The following CABP7 variants were observed in gnomAD, a reference collection of about 807,000 sequenced individuals.
CABP7 encodes calcium binding protein 7, also known as calcium-binding protein 7.
In CABP7, 13 loss-of-function variants were observed where a neutral mutation model predicts 23.1. The observed-to-expected ratio is 0.56, with a 90% CI of 0.37 to 0.90. CABP7 has a LOEUF of 0.90. Ranked by LOEUF, CABP7 falls within the 40% of genes least tolerant of loss-of-function variation. The probability of loss-of-function intolerance (pLI) is 0.01; values close to 1 mark genes in which losing one functional copy is unlikely to be tolerated. For missense variants in CABP7, 248 were observed against 295.6 expected (o/e 0.84, Z 1.18); for synonymous variants, 123 against 115.3 (o/e 1.07, Z -0.43).
At chr22:29,723,173 G>A (rs1007923599) in intron 1 of CABP7, among the ~76,000 whole-genome samples, 9 of 152,194 alleles carry the variant, frequency 5.9e-5, no homozygotes, top group South Asian at 2.1e-4. Context: ...GCCCAGGCCC[G>A]TGAGGGTGTG....
At position 29,731,223 on chromosome 22, in the gene CABP7, G is replaced by T. The variant is rs747806140; in HGVS notation, c.*1654G>T. 2 of 1,497,108 alleles carry T rather than the reference G, an allele frequency of 1.3e-6. No homozygotes were observed. Among genetic ancestry groups the T allele is most frequent in the Non-Finnish European group, 1.8e-6 (2 of 1,134,836 alleles). The allele number at this position is 1,497,108 out of a possible 1,614,324, so 92.7% of individuals were successfully genotyped here. A position where few individuals can be genotyped will look rare whatever the true frequency, so the allele number is the denominator to read the frequency against. On this transcript the variant is annotated 3_prime_UTR_variant, in exon 5 of 5. Transcript: ENST00000216144. ...CGTGGGGGTCAGTCGGGGGCAAGGG[G>T]CTCAGCCCCACTGGACTCTGGGCTG...
chr22:29,724,132 C>A (rs5752955), intron 1 of CABP7, among the ~76,000 whole-genome samples: 1 of 152,170 alleles, frequency 6.6e-6, no homozygotes, highest in Non-Finnish European at 1.5e-5. Context: ...GATGGCACAA[C>A]GGTGGCAGGA....
At chr22:29,724,916 CAG>C (rs1471024050) in intron 1 of CABP7, among the ~76,000 whole-genome samples, 1 of 152,170 alleles carries the variant, frequency 6.6e-6, no homozygotes, top group Non-Finnish European at 1.5e-5. Context: ...CAAAGGGACT[CAG>C]GGGCTCCAGC....
At position 29,731,123 on chromosome 22, in the gene CABP7, T is replaced by C. The variant is rs1262356760; in HGVS notation, c.*1554T>C. On this transcript the variant is annotated 3_prime_UTR_variant, in exon 5 of 5. Transcript: ENST00000216144. The stretch of plus-strand genomic sequence containing the variant: ...CTGAGCCTCAGTGAGGCTGGGCAGA[T>C]GGTCTCGGAGCCTCCATGGGGCGTA... 2 of 1,280,952 alleles carry C rather than the reference T, an allele frequency of 1.6e-6. No homozygotes were observed. The highest frequency in any genetic ancestry group is 1.6e-5 in the African/African-American group (1 of 64,284). 79.3% of individuals were successfully genotyped at this position (1,280,952 alleles called of 1,614,324 possible).
Position 29,724,156 on chromosome 22 carries a change from G to A in CABP7, c.110-3506G>A, listed in dbSNP as rs534936845. On this transcript the variant is annotated intron_variant, in intron 1 of 4. Transcript: ENST00000216144. ...ACGGTGGCAGGAAATCACGACACCT[G>A]CCCCACTCAGGGAGCCCCCGGCAGA... 2.6e-5 allele frequency among the ~76,000 whole-genome samples: 4 copies of A among 152,332 alleles called. No homozygotes were observed. In the South Asian group the frequency reaches 8.3e-4, roughly 32 times the overall value.
At position 29,729,433 on chromosome 22, in the gene CABP7, C is replaced by A; in HGVS notation, c.521-9C>A. ...CTGTCTCCCCGGTGCTCCCGGCGGG[C>A]GGCCACAGCCTGCTCCAACCAGCAG... is the stretch of plus-strand genomic sequence containing the variant. On this transcript the variant is annotated splice_polypyrimidine_tract_variant and intron_variant, in intron 4 of 4. Transcript: ENST00000216144. 1 of 1,608,036 alleles carries A rather than the reference C, an allele frequency of 6.2e-7. No homozygotes were observed. The highest frequency in any genetic ancestry group is 8.5e-7 in the Non-Finnish European group (1 of 1,179,488).
rs762182207 is a variant in CABP7, at chr22:29,728,721, CTT to C, written c.347_348del (p.Phe116Ter). 1 of 1,612,992 alleles carries C rather than the reference CTT, an allele frequency of 6.2e-7. No individual in the cohort carries two copies. Among genetic ancestry groups the C allele is most frequent in the Non-Finnish European group, 8.5e-7 (1 of 1,179,260 alleles). On this transcript the variant is annotated frameshift_variant, in exon 3 of 5. Coordinates refer to ENST00000216144, the MANE Select transcript of CABP7 (RefSeq NM_182527.3). LOFTEE classifies it high-confidence loss of function. ...GIPEKFHGTDFDTVFWKCDMQ... is the reference protein window; with the variant it reads ...GIPEKFHGTDXDTVFWKCDMQ... Reference sequence around the variant, plus strand: ...TCCCAGAGAAGTTCCATGGCACCGACTTTGATACTGTCTTCTGGAAGGTATCC... The same window carrying C: ...TCCCAGAGAAGTTCCATGGCACCGACTGATACTGTCTTCTGGAAGGTATCC...
At chr22:29,725,125 G>A (rs1027850220) in intron 1 of CABP7, among the ~76,000 whole-genome samples, 1 of 152,072 alleles carries the variant, frequency 6.6e-6, no homozygotes. Context: ...GCCTGACCCT[G>A]GTCCTCCTTC....
chr22:29,729,364 C>G, intron 4 of CABP7, 78 bp from the exon 5 acceptor site: 2 of 1,585,126 alleles, frequency 1.3e-6, no homozygotes, highest in Non-Finnish European at 8.6e-7. Context: ...GCCCATGTGC[C>G]GAAGGGCAGG....
chr22:29,720,403 G>A lies in CABP7; in HGVS notation c.-22G>A. The stretch of plus-strand genomic sequence containing the variant: ...CCCGGCCTCAAAGTTTGCGGCGGGC[G>A]GGCGGGCGCGGAGCCTCCAAGATGC... On this transcript the variant is annotated 5_prime_UTR_variant, in exon 1 of 5. Coordinates refer to ENST00000216144, the MANE Select transcript of CABP7 (RefSeq NM_182527.3). This position sits in a 1 kb window ranked among gnomAD's most constrained non-coding sequence, Gnocchi z 5.2. 6.9e-7 allele frequency: 1 copy of A among 1,453,388 alleles called. No homozygotes were observed. Among genetic ancestry groups the A allele is most frequent in the South Asian group, 1.3e-5 (1 of 79,078 alleles). 90.0% of individuals were successfully genotyped at this position (1,453,388 alleles called of 1,614,324 possible). A position where few individuals can be genotyped will look rare whatever the true frequency, so the allele number is the denominator to read the frequency against.
Position 29,727,063 on chromosome 22 carries a change from C to A in CABP7, c.110-599C>A, listed in dbSNP as rs983859533. ...CCGTACAGTGTGGAGGGCGACCCCC[C>A]ACCCAGTCTGGTCTGGCCTGGACCT... is the stretch of plus-strand genomic sequence containing the variant. On this transcript the variant is annotated intron_variant, in intron 1 of 4. Coordinates refer to ENST00000216144, the MANE Select transcript of CABP7 (RefSeq NM_182527.3). The surrounding 1 kb of genome is among the most constrained non-coding windows in gnomAD (Gnocchi z 4.2). Among the ~76,000 whole-genome samples the A allele has an allele frequency of 3.3e-5, 5 of 152,206 alleles. No homozygotes were observed. The highest frequency in any genetic ancestry group is 5.9e-5 in the Non-Finnish European group (4 of 68,034).
rs2147207895 is a variant in CABP7, at chr22:29,727,275, G to A, written c.110-387G>A. Among the ~76,000 whole-genome samples the A allele has an allele frequency of 6.6e-6, 1 of 150,850 alleles. No homozygotes were observed. ...GGGATGGAGATGGTGGGGGAGAGGG[G>A]GATGAAAGGAATGGGGGCGGGTGGG... On this transcript the variant is annotated intron_variant, in intron 1 of 4. Transcript: ENST00000216144. This position sits in a 1 kb window ranked among gnomAD's most constrained non-coding sequence, Gnocchi z 4.2.
intron 2 of CABP7, 52 bp from the exon 3 acceptor site, chr22:29,728,578 G>T (rs1230556739): frequency 5.8e-6 from 7 of 1,199,484 alleles, no homozygotes; most frequent in Non-Finnish European, 8.7e-6. Flanking sequence ...TGGGCCCTGG[G>T]CTGCAGGCCT....
Position 29,729,089 on chromosome 22 carries a change from A to C in CABP7, c.401A>C (p.Lys134Thr). The C allele has an allele frequency of 6.2e-7, 1 of 1,611,578 alleles. No individual in the cohort carries two copies. Residue 134 changes from lysine to threonine, a missense_variant, in exon 4 of 5, where the codon AAG becomes ACG. Coordinates refer to ENST00000216144, the MANE Select transcript of CABP7 (RefSeq NM_182527.3). ...DMQKLTVDEL[K>T]RLLYDTFCEH... ...CAGAAGCTGACGGTGGATGAGCTGA[A>C]GCGGCTGCTCTACGACACCTTCTGC...
chr22:29,731,007 C>T lies in CABP7; in HGVS notation c.*1438C>T, dbSNP rs545766435. On this transcript the variant is annotated 3_prime_UTR_variant, in exon 5 of 5. Transcript: ENST00000216144. ...ATTTGGAAGTTTTCTCCCCCATCTT[C>T]TTAAGAAGCAGGGGGGCAGGTGGAG... 66 of 434,046 alleles carry T rather than the reference C, an allele frequency of 1.5e-4. No homozygotes were observed. Among genetic ancestry groups the T allele is most frequent in the African/African-American group, 1.3e-3 (65 of 49,184 alleles). The allele number at this position is 434,046 out of a possible 1,614,324, so 26.9% of individuals were successfully genotyped here.
chr22:29,727,914 C>A lies in CABP7; in HGVS notation c.253+109C>A. On this transcript the variant is annotated intron_variant, in intron 2 of 4. Transcript: ENST00000216144. The surrounding 1 kb of genome is among the most constrained non-coding windows in gnomAD (Gnocchi z 4.2). ...CTGCATCCAAATTGGGTCTCTCGCTCCCCTGACTCCCACCCTCAAAGTCCG... is the reference window on the plus strand; with the variant it reads ...CTGCATCCAAATTGGGTCTCTCGCTACCCTGACTCCCACCCTCAAAGTCCG... 8.1e-7 allele frequency: 1 copy of A among 1,236,646 alleles called. No individual in the cohort carries two copies. The highest frequency in any genetic ancestry group is 1.1e-6 in the Non-Finnish European group (1 of 908,576). The allele number at this position is 1,236,646 out of a possible 1,614,324, so 76.6% of individuals were successfully genotyped here. A position where few individuals can be genotyped will look rare whatever the true frequency, so the allele number is the denominator to read the frequency against.
chr22:29,723,149 CT>C, intron 1 of CABP7, among the ~76,000 whole-genome samples: 1 of 152,242 alleles, frequency 6.6e-6, no homozygotes, highest in East Asian at 1.9e-4. Flanking sequence ...GGGTAAGAGG[CT>C]GGAGCGTGCA....
intron 1 of CABP7, among the ~76,000 whole-genome samples, chr22:29,721,075 C>T (rs1321608856): frequency 1.3e-5 from 2 of 152,184 alleles, no homozygotes; most frequent in Non-Finnish European, 2.9e-5. Flanking sequence ...TAGCCCCTTC[C>T]CTGCAGCCCT....
chr22:29,727,721 G>C lies in CABP7; in HGVS notation c.169G>C (p.Glu57Gln). The change falls in exon 2 of 5, where the codon GAG (glutamate) becomes CAG (glutamine). Residue 57 changes from glutamate (E) to glutamine (Q), a missense_variant. Glu to Gln is a conservative substitution (Grantham distance 29). Coordinates refer to ENST00000216144, the MANE Select transcript of CABP7 (RefSeq NM_182527.3). This position sits in a 1 kb window ranked among gnomAD's most constrained non-coding sequence, Gnocchi z 4.2. The stretch of plus-strand genomic sequence containing the variant: ...CGGCAATGGCTTCATCTCCAAGCAG[G>C]AGCTGGGCACAGCCATGCGCTCACT... ...RDGNGFISKQ[E>Q]LGTAMRSLGY... The C allele has an allele frequency of 6.2e-7, 1 of 1,613,716 alleles. No homozygotes were observed. The highest frequency in any genetic ancestry group is 8.5e-7 in the Non-Finnish European group (1 of 1,179,944).
Sources: gnomAD v4.1 joint callset for allele counts (sites outside exome capture counted in the v4.1 genomes callset) on GRCh38, gnomAD v4.1.1 for gene constraint, Gnocchi (gnomAD v3.1) non-coding constraint, MANE v1.5 for transcripts, NCBI Gene and HGNC (gene_info 2026-07-23, HGNC 2026-07-21) for gene names.